Variants in UBQLN1 observed in about 807,000 individuals in gnomAD.
UBQLN1 encodes ubiquilin 1, also known as ubiquilin-1.
Under a neutral mutation model 65.4 loss-of-function variants are expected in UBQLN1, and 13 were observed. That is an observed-to-expected ratio of 0.20 (90% CI 0.13 to 0.32). The LOEUF is 0.32. Ranked by LOEUF, UBQLN1 falls within the 10% of genes least tolerant of loss-of-function variation. The pLI, the probability that UBQLN1 is intolerant of heterozygous loss-of-function variation, is 1.00. For missense variants in UBQLN1, 561 were observed against 724.0 expected, an observed-to-expected ratio of 0.77 and a Z score of 2.58; for synonymous variants, 267 against 247.8, an observed-to-expected ratio of 1.08 and a Z score of -0.73.
At position 83,661,649 on chromosome 9, in the gene UBQLN1, C is replaced by T; in HGVS notation, c.*138G>A. On this transcript the variant is annotated 3_prime_UTR_variant, in exon 11 of 11. Transcript: ENST00000376395. ...AAAACCCACACATCTTACTGTACTC[C>T]ACCTTAAAATGCATCATATTGGGTT... The T allele has an allele frequency of 1.1e-6, 1 of 906,106 alleles. No homozygotes were observed. The highest frequency in any genetic ancestry group is 3.7e-4 in the Middle Eastern group (1 of 2,694). 56.1% of individuals were successfully genotyped at this position (906,106 alleles called of 1,614,324 possible). A position where few individuals can be genotyped will look rare whatever the true frequency, so the allele number is the denominator to read the frequency against.
intron 1 of UBQLN1, among the ~76,000 whole-genome samples, chr9:83,702,429 T>C (rs1198436269): frequency 2.6e-5 from 4 of 152,218 alleles, no homozygotes; most frequent in Admixed American, 1.3e-4. Flanking sequence ...AGACATTTTT[T>C]TTCTCAGATA....
intron 6 of UBQLN1, among the ~76,000 whole-genome samples, chr9:83,677,095 C>G (rs1831846407): frequency 1.3e-5 from 2 of 152,186 alleles, no homozygotes; most frequent in Admixed American, 6.5e-5. Context: ...GGCAGGTGCT[C>G]TGATGCAGCC....
At chr9:83,683,237 C>G (rs919683600) in intron 2 of UBQLN1, among the ~76,000 whole-genome samples, 171 bp from the exon 3 acceptor site, 1 of 151,918 alleles carries the variant, frequency 6.6e-6, no homozygotes, top group Non-Finnish European at 1.5e-5. Context: ...ACAGTGAAAC[C>G]CCATCTCTAC....
At chr9:83,674,595 G>GT (rs1225202828) in intron 6 of UBQLN1, among the ~76,000 whole-genome samples, 1 of 152,200 alleles carries the variant, frequency 6.6e-6, no homozygotes, top group Non-Finnish European at 1.5e-5. Context: ...AACCAAATGT[G>GT]TCCAGAGAAA....
rs1366974097 is a variant in UBQLN1 at position 83,686,105 on chromosome 9, C to T, written c.231G>A (p.Val77=). ...TCAAAATTTTTCCAGCAAATATCAA[C>T]ACAAGTTGGTCAGTATGTGATTTAA... is the stretch of plus-strand genomic sequence containing the variant. ...KRFKSHTDQL[V]LIFAGKILKD... The change falls in exon 2 of 11, where the codon GTG becomes GTA. Residue 77 remains valine, a synonymous_variant. Transcript: ENST00000376395. 1.9e-6 allele frequency: 3 copies of T among 1,594,974 alleles called. No homozygotes were observed. The highest frequency in any genetic ancestry group is 2.3e-5 in the South Asian group (2 of 86,950).
At chr9:83,698,422 C>CA in intron 1 of UBQLN1, among the ~76,000 whole-genome samples, 1 of 152,248 alleles carries the variant, frequency 6.6e-6, no homozygotes, top group African/African-American at 2.4e-5. Flanking sequence ...ATTTCAAAGA[C>CA]TTAGTATTTC....
chr9:83,685,492 A>G (rs907888076), intron 2 of UBQLN1, among the ~76,000 whole-genome samples: 27 of 152,170 alleles, frequency 1.8e-4, no homozygotes, highest in African/African-American at 6.3e-4. Flanking sequence ...TTAGTGATAC[A>G]CAAAGGTATC....
At chr9:83,701,390 GC>G (rs1564173897) in intron 1 of UBQLN1, among the ~76,000 whole-genome samples, 1 of 152,046 alleles carries the variant, frequency 6.6e-6, no homozygotes, top group South Asian at 2.1e-4. Context: ...CAAGTGCACT[GC>G]CCAGTTTTGA....
At chr9:83,707,101 A>T (rs1587669014) in intron 1 of UBQLN1, among the ~76,000 whole-genome samples, 1 of 152,104 alleles carries the variant, frequency 6.6e-6, no homozygotes, top group Admixed American at 6.5e-5. Context: ...ATGAAACAAA[A>T]CCGCAGCCTG....
intron 6 of UBQLN1, among the ~76,000 whole-genome samples, chr9:83,670,748 G>C (rs1831715600): frequency 6.6e-6 from 1 of 152,066 alleles, no homozygotes; most frequent in Non-Finnish European, 1.5e-5. Flanking sequence ...CAAAATTGGA[G>C]CCAATCCTCT....
intron 6 of UBQLN1, among the ~76,000 whole-genome samples, chr9:83,672,235 T>C (rs546848862): frequency 6.2e-4 from 94 of 152,354 alleles, no homozygotes; most frequent in African/African-American, 2.2e-3. Flanking sequence ...GAAGTTGTTT[T>C]GCTTTCTTGT....
At chr9:83,698,247 A>T (rs1282978464) in intron 1 of UBQLN1, among the ~76,000 whole-genome samples, 2 of 152,160 alleles carry the variant, frequency 1.3e-5, no homozygotes, top group African/African-American at 4.8e-5. Context: ...GACAATACAA[A>T]CTGGCTGAAA....
At chr9:83,667,687 T>A in intron 7 of UBQLN1, 1 of 985,332 alleles carries the variant, frequency 1.0e-6, no homozygotes, top group Non-Finnish European at 1.2e-6. Flanking sequence ...TAAAAAAGCA[T>A]GTCATCTTAA....
chr9:83,661,898 T>G lies in UBQLN1; in HGVS notation c.1659A>C (p.Gln553His). The G allele has an allele frequency of 6.2e-7, 1 of 1,613,824 alleles. No homozygotes were observed. The highest frequency in any genetic ancestry group is 8.5e-7 in the Non-Finnish European group (1 of 1,179,874). Reference sequence around the variant, plus strand: ...GGTTCAAAAATCCCATTGCACTGAGTTGTTCCAGTTGTTGCTGAAATCTGA... The same window carrying G: ...GGTTCAAAAATCCCATTGCACTGAGGTGTTCCAGTTGTTGCTGAAATCTGA... ...PEVRFQQQLEQLSAMGFLNRE... is the reference protein window; with the variant it reads ...PEVRFQQQLEHLSAMGFLNRE... The change falls in exon 11 of 11, where the codon CAA (glutamine) becomes CAC (histidine). Residue 553 changes from glutamine to histidine, a missense_variant. Gln to His is a conservative substitution (Grantham distance 24, BLOSUM62 0). Around this residue, in one of 8 missense-constraint regions of UBQLN1, gnomAD observed 21 missense variants for 55.7 expected, o/e 0.38. Transcript: ENST00000376395.
chr9:83,700,563 G>A (rs368241581), intron 1 of UBQLN1, among the ~76,000 whole-genome samples: 4 of 152,234 alleles, frequency 2.6e-5, no homozygotes, highest in South Asian at 4.1e-4. Context: ...AGGCTACTGT[G>A]AGAAATCCAA....
At chr9:83,677,547 A>G (rs1831855717) in intron 6 of UBQLN1, among the ~76,000 whole-genome samples, 180 bp downstream of exon 6, 1 of 151,680 alleles carries the variant, frequency 6.6e-6, no homozygotes, top group South Asian at 2.1e-4. Flanking sequence ...GTGCAACAAG[A>G]GCGAAGCTCT....
In UBQLN1 at chr9:83,698,458, T is replaced by C. The variant is rs138094230; in HGVS notation, c.180+9042A>G. On this transcript the variant is annotated intron_variant, in intron 1 of 10. Coordinates refer to ENST00000376395, the MANE Select transcript of UBQLN1 (RefSeq NM_013438.5). Reference sequence around the variant, plus strand: ...AAAATGCAAGATATTTTATAGTCTTTATATCAATTGCACCTTAAAATATTT... The same window carrying C: ...AAAATGCAAGATATTTTATAGTCTTCATATCAATTGCACCTTAAAATATTT... Among the ~76,000 whole-genome samples the C allele has an allele frequency of 1.1e-4, 17 of 152,364 alleles. 1 individual carries two copies. The East Asian group carries it at 3.3e-3, about 29-fold the overall frequency.
intron 1 of UBQLN1, among the ~76,000 whole-genome samples, chr9:83,693,639 T>A (rs1832163397): frequency 6.6e-6 from 1 of 152,220 alleles, no homozygotes; most frequent in Non-Finnish European, 1.5e-5. Context: ...AATGAAAATG[T>A]ATCAAGATTT....
chr9:83,692,168 G>A (rs142980085), intron 1 of UBQLN1, among the ~76,000 whole-genome samples: 7 of 152,196 alleles, frequency 4.6e-5, no homozygotes, highest in African/African-American at 1.7e-4. Context: ...TGCCAGATAT[G>A]GTACACTTTT....
Sources: gnomAD v4.1 joint callset for allele counts (sites outside exome capture counted in the v4.1 genomes callset) on GRCh38, gnomAD v4.1.1 for gene constraint, gnomAD v4.1.1 regional missense constraint, MANE v1.5 for transcripts, NCBI Gene and HGNC (gene_info 2026-07-23, HGNC 2026-07-21) for gene names.